Variants in EZR observed in about 807,000 individuals in gnomAD.
The protein encoded by EZR is cytovillin 2.
A neutral mutation model predicts 74.8 loss-of-function variants in EZR; 40 were observed. The observed-to-expected ratio is 0.53, with a 90% CI of 0.42 to 0.70. EZR has a LOEUF of 0.70. Ranked by LOEUF, EZR falls within the 30% of genes least tolerant of loss-of-function variation. The pLI is 0.00. For missense variants in EZR, 678 were observed against 755.8 expected, an observed-to-expected ratio of 0.90 and a Z score of 1.21; for synonymous variants, 341 against 283.3, an observed-to-expected ratio of 1.20 and a Z score of -2.05.
chr6:158,768,903 T>C (rs537708777), intron 12 of EZR, among the ~76,000 whole-genome samples: 33 of 152,336 alleles, frequency 2.2e-4, no homozygotes, highest in African/African-American at 5.1e-4. Context: ...GATCTTTCCA[T>C]GGTGCCCGCT....
At chr6:158,810,157 G>A (rs1036607411) in intron 2 of EZR, among the ~76,000 whole-genome samples, 2 of 152,144 alleles carry the variant, frequency 1.3e-5, no homozygotes, top group African/African-American at 4.8e-5. Flanking sequence ...GGTGGGTCAT[G>A]GTGAGATATT....
chr6:158,818,025 C>CT lies in EZR; in HGVS notation c.12+56dup, dbSNP rs1777598708. On this transcript the variant is annotated intron_variant, in intron 2 of 13. Coordinates refer to ENST00000367075, the MANE Select transcript of EZR (RefSeq NM_001111077.2). ...CTGCCCCAACACCTCGAGCAGGTGCCTCCCCTCTCCAATGAAGCCTCTCCC... is the reference window on the plus strand; with the variant it reads ...CTGCCCCAACACCTCGAGCAGGTGCCTTCCCCTCTCCAATGAAGCCTCTCCC... 1.9e-6 allele frequency: 3 copies of CT among 1,575,554 alleles called. No individual in the cohort carries two copies. The Admixed American group carries it at 5.1e-5, about 27-fold the overall frequency.
intron 2 of EZR, among the ~76,000 whole-genome samples, chr6:158,796,070 TC>T (rs1777064104): frequency 6.6e-6 from 1 of 152,132 alleles, no homozygotes; most frequent in Non-Finnish European, 1.5e-5. Context: ...CTGAAGGGTC[TC>T]CCTCCTTAGG....
chr6:158,804,559 T>C (rs3127195), intron 2 of EZR, among the ~76,000 whole-genome samples: 54,358 of 152,012 alleles, frequency 0.36, 10,001 homozygotes, highest in South Asian at 0.42. Flanking sequence ...TAGTAACTAC[T>C]TAGTAAACTT....
chr6:158,766,925 C>CGA lies in EZR; in HGVS notation c.1748_1749dup (p.Glu584SerfsTer34). On this transcript the variant is annotated frameshift_variant, in exon 14 of 14. Transcript: ENST00000367075. LOFTEE classifies it high-confidence loss of function. ...TCCTGGCCTGGCTGTTACAGGGCCT[C>CGA]GAACTCGTCGATGCGCTGCTTGGTG... 6.2e-7 allele frequency: 1 copy of CGA among 1,614,134 alleles called. No homozygotes were observed. The highest frequency in any genetic ancestry group is 8.5e-7 in the Non-Finnish European group (1 of 1,179,996).
chr6:158,796,194 G>C (rs1017386396), intron 2 of EZR, among the ~76,000 whole-genome samples: 1 of 152,170 alleles, frequency 6.6e-6, no homozygotes, highest in African/African-American at 2.4e-5. Context: ...TCACGGAGAA[G>C]GGACAACACA....
At chr6:158,807,006 C>A (rs1777354513) in intron 2 of EZR, among the ~76,000 whole-genome samples, 1 of 152,174 alleles carries the variant, frequency 6.6e-6, no homozygotes, top group South Asian at 2.1e-4. Context: ...ACCTGTGGTT[C>A]AATTTTCTCT....
intron 2 of EZR, among the ~76,000 whole-genome samples, chr6:158,807,529 A>C (rs1167827061): frequency 6.6e-6 from 1 of 152,176 alleles, no homozygotes; most frequent in Admixed American, 6.5e-5. Flanking sequence ...TTCTTGAAGA[A>C]AGACCATCAT....
chr6:158,809,232 ATG>A (rs1207344115), intron 2 of EZR, among the ~76,000 whole-genome samples: 1 of 152,246 alleles, frequency 6.6e-6, no homozygotes, highest in African/African-American at 2.4e-5. Context: ...CGGCACAGAG[ATG>A]GAGCTGTACT....
intron 1 of EZR, among the ~76,000 whole-genome samples, chr6:158,818,865 T>C (rs1356788656): frequency 3.2e-5 from 3 of 93,984 alleles, no homozygotes; most frequent in Middle Eastern, 7.6e-3. Context: ...GGGCACTCGC[T>C]GGGGAGGGAT....
chr6:158,773,055 G>A (rs537332465), intron 8 of EZR, among the ~76,000 whole-genome samples: 13 of 152,120 alleles, frequency 8.5e-5, no homozygotes, highest in Non-Finnish European at 1.5e-4. Flanking sequence ...GGGAGCAATC[G>A]GCATTTTTAT....
At chr6:158,797,669 C>G (rs921589655) in intron 2 of EZR, among the ~76,000 whole-genome samples, 9 of 152,172 alleles carry the variant, frequency 5.9e-5, no homozygotes, top group Admixed American at 2.6e-4. Context: ...TAAATTTTCT[C>G]CCACAAATGG....
chr6:158,771,368 G>C lies in EZR; in HGVS notation c.835C>G (p.Arg279Gly). The C allele has an allele frequency of 6.2e-7, 1 of 1,613,190 alleles. No homozygotes were observed. The highest frequency in any genetic ancestry group is 8.5e-7 in the Non-Finnish European group (1 of 1,179,434). The change falls in exon 9 of 14, where the codon CGG becomes GGG. Residue 279 changes from arginine (R) to glycine (G), a missense_variant. Physicochemically the swap from Arg to Gly is moderately radical, Grantham distance 125 (BLOSUM62 -2). Coordinates refer to ENST00000367075, the MANE Select transcript of EZR (RefSeq NM_001111077.2). ...FYAPRLRINKRILQLCMGNHE... is the reference protein window; with the variant it reads ...FYAPRLRINKGILQLCMGNHE... ...TTGCCCATGCAGAGCTGCAGGATCC[G>C]CTTGTTGATTCTCAGACGTGGGGCA...
At chr6:158,784,061 G>A (rs768994861) in intron 6 of EZR, among the ~76,000 whole-genome samples, 27 of 152,212 alleles carry the variant, frequency 1.8e-4, no homozygotes, top group Non-Finnish European at 3.7e-4. Flanking sequence ...GTTTGGGCCA[G>A]ACAGGAAACC....
chr6:158,782,242 C>T (rs1163829009), intron 7 of EZR, among the ~76,000 whole-genome samples: 1 of 152,176 alleles, frequency 6.6e-6, no homozygotes, highest in Non-Finnish European at 1.5e-5. Flanking sequence ...TGGCACAGGT[C>T]CCTGACTTGC....
chr6:158,773,643 A>C (rs1791185344), intron 8 of EZR, among the ~76,000 whole-genome samples: 1 of 151,964 alleles, frequency 6.6e-6, no homozygotes, highest in Non-Finnish European at 1.5e-5. Context: ...ATGCCAGGAA[A>C]CTCTCCCACA....
intron 8 of EZR, among the ~76,000 whole-genome samples, chr6:158,772,044 T>C (rs1374372850): frequency 6.6e-6 from 1 of 152,192 alleles, no homozygotes; most frequent in Non-Finnish European, 1.5e-5. Flanking sequence ...CTTCCAGCTC[T>C]GGGCCCAGCC....
chr6:158,819,026 CTCTT>C (rs1205194306), intron 1 of EZR, among the ~76,000 whole-genome samples: 5 of 152,136 alleles, frequency 3.3e-5, no homozygotes, highest in Non-Finnish European at 7.4e-5. Context: ...CTTTGAGAAA[CTCTT>C]TCAAAAACTG....
At chr6:158,771,017 T>C (rs1298598690) in intron 9 of EZR, 123 bp from the exon 10 acceptor site, 2 of 1,451,994 alleles carry the variant, frequency 1.4e-6, no homozygotes, top group African/African-American at 2.8e-5. Flanking sequence ...CACCCTAGCC[T>C]GCTGCCAGCC....
Sources: allele counts gnomAD v4.1 joint callset (sites outside exome capture counted in the v4.1 genomes callset), GRCh38; gene constraint gnomAD v4.1.1; transcripts MANE v1.5; gene names NCBI Gene and HGNC (gene_info 2026-07-23, HGNC 2026-07-21).